PFKP: variants seen among roughly 807,000 people sequenced by gnomAD.
The protein encoded by PFKP is phosphofructokinase, platelet.
PFKP carries 101 observed loss-of-function variants against 94.3 expected under a neutral mutation model. The observed-to-expected ratio is 1.07, with a 90% CI of 0.91 to 1.26. PFKP has a LOEUF of 1.26. PFKP is among the 50% of genes most tolerant of loss of function. The pLI is 0.00. For missense variants in PFKP, 1,145 were observed against 1,103.3 expected, an observed-to-expected ratio of 1.04 and a Z score of -0.53; for synonymous variants, 573 against 432.6, an observed-to-expected ratio of 1.32 and a Z score of -4.03.
chr10:3,090,291 G>T (rs930647752), intron 2 of PFKP, among the ~76,000 whole-genome samples: 1 of 152,220 alleles, frequency 6.6e-6, no homozygotes, highest in Non-Finnish European at 1.5e-5. Context: ...CCTGCAGGAC[G>T]TACTGCAGTG....
At chr10:3,105,979 C>A (rs763414087) in intron 7 of PFKP, among the ~76,000 whole-genome samples, 4 of 152,220 alleles carry the variant, frequency 2.6e-5, no homozygotes, top group Non-Finnish European at 4.4e-5. Context: ...GGACAGCAGC[C>A]ACGGTGGCCC....
intron 16 of PFKP, among the ~76,000 whole-genome samples, chr10:3,121,789 ATTTCTT>A (rs796844840): frequency 3.2e-5 from 2 of 61,822 alleles, no homozygotes; most frequent in Admixed American, 1.7e-4. Context: ...AGGTTAAACA[ATTTCTT>A]TTTTTTTCTT....
rs572725465 is a variant in PFKP at position 3,075,657 on chromosome 10, C to A, written c.113-6731C>A. ...AGACTCAACATCTGTAATCCCAGCC[C>A]TTCAGGAGCCCAAGGCAGGTGGATC... On this transcript the variant is annotated intron_variant, in intron 1 of 21. Coordinates refer to ENST00000381125, the MANE Select transcript of PFKP (RefSeq NM_002627.5). Among the ~76,000 whole-genome samples, 9 of 149,422 alleles carry A rather than the reference C, an allele frequency of 6.0e-5. 1 individual carries two copies. In the South Asian group the frequency reaches 1.7e-3, roughly 29 times the overall value.
chr10:3,136,543 A>C lies in PFKP; in HGVS notation c.2319A>C (p.Ser773=), dbSNP rs1322863309. Residue 773 remains serine, a synonymous_variant, in exon 22 of 22, where the codon TCA becomes TCC. Coordinates refer to ENST00000381125, the MANE Select transcript of PFKP (RefSeq NM_002627.5). ...KYKASYDVSD[S]GQLEHVQPWS... is the part of the protein sequence containing the mutation. Reference sequence around the variant, plus strand: ...AGGCCAGCTATGACGTGTCGGACTCAGGCCAGCTGGAACATGTGCAGCCCT... The same window carrying C: ...AGGCCAGCTATGACGTGTCGGACTCCGGCCAGCTGGAACATGTGCAGCCCT... The C allele has an allele frequency of 8.7e-6, 14 of 1,613,680 alleles. No individual in the cohort carries two copies. Among genetic ancestry groups the C allele is most frequent in the Non-Finnish European group, 1.2e-5 (14 of 1,179,764 alleles).
At position 3,089,056 on chromosome 10, in the gene PFKP, T is replaced by C. The variant is rs192152570; in HGVS notation, c.186+6595T>C. 1.6e-3 allele frequency among the ~76,000 whole-genome samples: 246 copies of C among 152,268 alleles called. 1 individual carries two copies. The highest frequency in any genetic ancestry group is 2.5e-3 in the Non-Finnish European group (172 of 68,008). ...AAGCGATTCTCCTGCCTCAGCCTCC[T>C]GAGTAGCTGGGATTACAGGCACCCA... On this transcript the variant is annotated intron_variant, in intron 2 of 21. Coordinates refer to ENST00000381125, the MANE Select transcript of PFKP (RefSeq NM_002627.5).
chr10:3,100,908 GT>G, intron 3 of PFKP: 1 of 1,522,796 alleles, frequency 6.6e-7, no homozygotes, highest in Non-Finnish European at 9.0e-7. Context: ...GTTCCTGCTG[GT>G]TTTACTTGCA....
intron 1 of PFKP, among the ~76,000 whole-genome samples, chr10:3,072,578 T>G (rs1396729238): frequency 2.0e-5 from 3 of 152,096 alleles, no homozygotes; most frequent in Non-Finnish European, 4.4e-5. Context: ...GGGAGATTTG[T>G]GTAATGGCAT....
rs1318502203 is a variant in PFKP at position 3,129,915 on chromosome 10, G to A, written c.1780G>A (p.Gly594Arg). 3 of 1,612,502 alleles carry A rather than the reference G, an allele frequency of 1.9e-6. No individual in the cohort carries two copies. In the East Asian group the frequency reaches 6.7e-5, roughly 36 times the overall value. The change falls in exon 17 of 22, where the codon GGG becomes AGG. Residue 594 changes from glycine (G) to arginine (R), a missense_variant. Coordinates refer to ENST00000381125, the MANE Select transcript of PFKP (RefSeq NM_002627.5). ...CTACTGTGGCTACCTGGCCAACATG[G>A]GGGGGCTCGCGGCCGGAGCTGATGC... is the stretch of plus-strand genomic sequence containing the variant. ...GGYCGYLANM[G>R]GLAAGADAAY...
intron 16 of PFKP, among the ~76,000 whole-genome samples, chr10:3,121,097 T>A (rs1023127260): frequency 1.3e-5 from 2 of 152,236 alleles, no homozygotes; most frequent in African/African-American, 4.8e-5. Flanking sequence ...GCTCATATGG[T>A]AAGTAATGCT....
chr10:3,112,107 C>T (rs919057414), intron 10 of PFKP, 115 bp from the exon 11 acceptor site: 32 of 830,738 alleles, frequency 3.9e-5, no homozygotes, highest in Non-Finnish European at 6.2e-5. Context: ...CTGCTGGCTG[C>T]CCGGGTCAGA....
chr10:3,078,443 A>T (rs1389564753), intron 1 of PFKP, among the ~76,000 whole-genome samples: 1 of 152,176 alleles, frequency 6.6e-6, no homozygotes, highest in Non-Finnish European at 1.5e-5. Flanking sequence ...GAGGCAGCTG[A>T]CTTGCAGTCC....
In PFKP at chr10:3,126,533, T is replaced by C. The variant is rs114969836; in HGVS notation, c.1684-3286T>C. On this transcript the variant is annotated intron_variant, in intron 16 of 21. Coordinates refer to ENST00000381125, the MANE Select transcript of PFKP (RefSeq NM_002627.5). ...GCCAGCAGCTGTGCTTTGCTGCGGG[T>C]TCCATGCTGTAGCAGGGACAGGACC... 1.3e-3 allele frequency among the ~76,000 whole-genome samples: 191 copies of C among 152,304 alleles called. 1 individual carries two copies. The highest frequency in any genetic ancestry group is 4.5e-3 in the African/African-American group (187 of 41,570).
At position 3,067,567 on chromosome 10, in the gene PFKP, G is replaced by A. The variant is rs959869113; in HGVS notation, c.-29G>A. ...GTCCCCATTGCCTGCTGCGCACCCG[G>A]ACGTGCGGCTCCCCTCGGCCTCCTC... On this transcript the variant is annotated 5_prime_UTR_variant, in exon 1 of 22. Coordinates refer to ENST00000381125, the MANE Select transcript of PFKP (RefSeq NM_002627.5). 2.4e-6 allele frequency: 3 copies of A among 1,246,388 alleles called. No individual in the cohort carries two copies. In the African/African-American group the frequency reaches 4.7e-5, roughly 19 times the overall value. The allele number at this position is 1,246,388 out of a possible 1,614,324, so 77.2% of individuals were successfully genotyped here.
In PFKP at chr10:3,101,055, G is replaced by T. The variant is rs1013847308; in HGVS notation, c.265-310G>T. 6 of 1,375,228 alleles carry T rather than the reference G, an allele frequency of 4.4e-6. No individual in the cohort carries two copies. In the Admixed American group the frequency reaches 1.0e-4, roughly 23 times the overall value. 85.2% of individuals were successfully genotyped at this position (1,375,228 alleles called of 1,614,324 possible). A position where few individuals can be genotyped will look rare whatever the true frequency, so the allele number is the denominator to read the frequency against. ...CACCTGGTTGAGCTCGTTGGCCGGT[G>T]CTGAGGCGGCTGCTGTGACACCGCA... On this transcript the variant is annotated intron_variant, in intron 3 of 21. Transcript: ENST00000381125.
At chr10:3,093,736 C>T (rs1324387771) in intron 2 of PFKP, among the ~76,000 whole-genome samples, 1 of 150,254 alleles carries the variant, frequency 6.7e-6, no homozygotes, top group Non-Finnish European at 1.5e-5. Context: ...CTCCGCCTCC[C>T]AGGTTCACGC....
intron 8 of PFKP, 126 bp from the exon 9 acceptor site, chr10:3,108,575 T>A: frequency 1.5e-6 from 1 of 677,664 alleles, no homozygotes; most frequent in Non-Finnish European, 2.6e-6. Context: ...AATTTAGAAA[T>A]AACTTTTCCC....
intron 16 of PFKP, among the ~76,000 whole-genome samples, chr10:3,126,265 G>C (rs1296532283): frequency 2.0e-5 from 3 of 152,212 alleles, no homozygotes; most frequent in Non-Finnish European, 4.4e-5. Context: ...TCCCACTCGA[G>C]CTGAGGGGCG....
In PFKP at chr10:3,135,839, G is replaced by C. The variant is rs764705383; in HGVS notation, c.2225+1G>C. ...AGCTGAAGAAGCAAACGGATTTTGA[G>C]TAAGTTGGCTGGGTTCCCTGAGGCA... is the stretch of plus-strand genomic sequence containing the variant. On this transcript the variant is annotated splice_donor_variant, in intron 21 of 21. Transcript: ENST00000381125. LOFTEE classifies it high-confidence loss of function. 2 of 1,600,628 alleles carry C rather than the reference G, an allele frequency of 1.2e-6. No homozygotes were observed.
chr10:3,094,753 A>G (rs1289680503), intron 2 of PFKP, among the ~76,000 whole-genome samples: 1 of 152,254 alleles, frequency 6.6e-6, no homozygotes, highest in Non-Finnish European at 1.5e-5. Flanking sequence ...AGAGCCGTTC[A>G]GAGCTGACCT....
Sources: allele counts gnomAD v4.1 joint callset (sites outside exome capture counted in the v4.1 genomes callset), GRCh38; gene constraint gnomAD v4.1.1; transcripts MANE v1.5; gene names NCBI Gene and HGNC (gene_info 2026-07-23, HGNC 2026-07-21).